The following PLEKHA5 variants were observed in gnomAD, a reference collection of about 807,000 sequenced individuals.
The protein encoded by PLEKHA5 is pleckstrin homology domain-containing family A member 5.
In PLEKHA5, 55 loss-of-function variants were observed where a neutral mutation model predicts 181.9. That is an observed-to-expected ratio of 0.30 (90% CI 0.24 to 0.38). The LOEUF (loss-of-function observed/expected upper bound fraction) is 0.38. Ranked by LOEUF, PLEKHA5 falls within the 10% of genes least tolerant of loss-of-function variation. The probability of loss-of-function intolerance (pLI) is 1.00; values close to 1 mark genes in which losing one functional copy is unlikely to be tolerated. For missense variants in PLEKHA5, 1,432 were observed against 1,549.5 expected (o/e 0.92, Z 1.27); for synonymous variants, 535 against 529.4 (o/e 1.01, Z -0.15).
At chr12:19,267,709 A>G (rs1359371782) in intron 8 of PLEKHA5, among the ~76,000 whole-genome samples, 1 of 151,268 alleles carries the variant, frequency 6.6e-6, no homozygotes, top group Admixed American at 6.6e-5. Flanking sequence ...CATGCCTGTA[A>G]TCCCAGCACT....
At chr12:19,345,132 G>T (rs1394276729) in intron 22 of PLEKHA5, among the ~76,000 whole-genome samples, 1 of 151,428 alleles carries the variant, frequency 6.6e-6, no homozygotes, top group Non-Finnish European at 1.5e-5. Context: ...GGGCGCAGTG[G>T]CTCATGCCTG....
chr12:19,305,861 CAA>C (rs376068601), intron 15 of PLEKHA5, among the ~76,000 whole-genome samples: 8 of 37,888 alleles, frequency 2.1e-4, no homozygotes, highest in Non-Finnish European at 4.1e-4. Flanking sequence ...AACTCCATCT[CAA>C]AAAAAAAAAA....
At chr12:19,219,391 T>A (rs1208432498) in intron 3 of PLEKHA5, among the ~76,000 whole-genome samples, 1 of 152,144 alleles carries the variant, frequency 6.6e-6, no homozygotes, top group East Asian at 1.9e-4. Context: ...CTTGTAGGAC[T>A]GTATTTATTT....
chr12:19,275,580 C>T (rs1008656235), intron 11 of PLEKHA5, among the ~76,000 whole-genome samples: 1 of 151,900 alleles, frequency 6.6e-6, no homozygotes, highest in Non-Finnish European at 1.5e-5. Flanking sequence ...CCTGGGCAAC[C>T]TAGCAAGACC....
intron 11 of PLEKHA5, among the ~76,000 whole-genome samples, chr12:19,281,658 C>T (rs543510714): frequency 1.3e-5 from 2 of 151,462 alleles, no homozygotes; most frequent in South Asian, 2.1e-4. Flanking sequence ...TTCTGGCTCA[C>T]TTCTCCCCTA....
intron 15 of PLEKHA5, chr12:19,306,483 TC>T: frequency 4.4e-6 from 3 of 684,466 alleles, no homozygotes; most frequent in Non-Finnish European, 8.3e-6. Context: ...CGGTTCCTCT[TC>T]CCCCTCCTTG....
chr12:19,228,102 C>T (rs771541841), intron 3 of PLEKHA5, among the ~76,000 whole-genome samples: 1 of 152,160 alleles, frequency 6.6e-6, no homozygotes, highest in African/African-American at 2.4e-5. Flanking sequence ...GGAAAATCAG[C>T]TTTCTCAAGG....
intron 21 of PLEKHA5, among the ~76,000 whole-genome samples, chr12:19,340,271 C>G (rs1565636747): frequency 6.6e-6 from 1 of 152,000 alleles, no homozygotes; most frequent in Non-Finnish European, 1.5e-5. Flanking sequence ...CATAGGAAAA[C>G]TCAAATTACT....
At chr12:19,156,831 G>A (rs1010663672) in intron 3 of PLEKHA5, among the ~76,000 whole-genome samples, 22 of 149,718 alleles carry the variant, frequency 1.5e-4, no homozygotes, top group Middle Eastern at 3.5e-3. Context: ...GGTCACTTGA[G>A]ATCAGGAGTT....
intron 15 of PLEKHA5, among the ~76,000 whole-genome samples, chr12:19,311,027 A>G (rs1053593560): frequency 6.6e-6 from 1 of 152,148 alleles, no homozygotes; most frequent in Non-Finnish European, 1.5e-5. Context: ...GTTCCTTAAA[A>G]TAAGACAACA....
intron 3 of PLEKHA5, chr12:19,176,206 T>G: frequency 9.4e-6 from 1 of 105,936 alleles, no homozygotes; most frequent in South Asian, 3.5e-4. Context: ...CCCCCCCACC[T>G]TCCTCCCTCC....
At chr12:19,295,974 G>A (rs952111876) in intron 15 of PLEKHA5, among the ~76,000 whole-genome samples, 2 of 152,224 alleles carry the variant, frequency 1.3e-5, no homozygotes, top group African/African-American at 2.4e-5. Flanking sequence ...GCTCATGCCT[G>A]TAATCCCAAA....
Position 19,274,982 on chromosome 12 carries a change from G to A in PLEKHA5, c.1312G>A (p.Gly438Arg). 1 of 1,596,282 alleles carries A rather than the reference G, an allele frequency of 6.3e-7. No individual in the cohort carries two copies. ...GAGGGGTCATGAAGAAGAAACCAGG[G>A]GGTAAGTGTCTGTCTTGTCATTATG... ...KGRGHEEETRGVISYQTLPRN... is the reference protein window; with the variant it reads ...KGRGHEEETRRVISYQTLPRN... Residue 438 changes from glycine to arginine, a missense_variant and splice_region_variant, in exon 11 of 32, where the codon GGA becomes AGA. By Grantham distance (125) the Gly-to-Arg change is moderately radical. Transcript: ENST00000429027.
intron 5 of PLEKHA5, among the ~76,000 whole-genome samples, chr12:19,256,740 T>TAA (rs1443765729): frequency 6.6e-6 from 1 of 152,218 alleles, no homozygotes; most frequent in Non-Finnish European, 1.5e-5. Flanking sequence ...TGTTACTTTA[T>TAA]AGCTTCATTG....
chr12:19,173,180 C>T (rs1281769773), intron 3 of PLEKHA5, among the ~76,000 whole-genome samples: 3 of 149,168 alleles, frequency 2.0e-5, no homozygotes, highest in South Asian at 2.2e-4. Flanking sequence ...CCCGCCACCG[C>T]GCCCGGCTAA....
chr12:19,357,892 A>G (rs1014375783), intron 26 of PLEKHA5, among the ~76,000 whole-genome samples: 5 of 151,958 alleles, frequency 3.3e-5, no homozygotes, highest in Admixed American at 6.6e-5. Context: ...CACCCACCTC[A>G]GGGTCCCAAA....
At chr12:19,342,349 T>C (rs190392216) in intron 21 of PLEKHA5, among the ~76,000 whole-genome samples, 1 of 152,230 alleles carries the variant, frequency 6.6e-6, no homozygotes, top group East Asian at 1.9e-4. Context: ...GAGGGCATGA[T>C]GTGGAATTTT....
At chr12:19,170,149 C>A (rs977885104) in intron 3 of PLEKHA5, among the ~76,000 whole-genome samples, 1 of 152,164 alleles carries the variant, frequency 6.6e-6, no homozygotes, top group African/African-American at 2.4e-5. Context: ...CAGGTAGAAA[C>A]CCCAATCCCA....
chr12:19,151,352 A>C (rs16915128), intron 3 of PLEKHA5: 17,124 of 152,232 alleles, frequency 0.11, 1,158 homozygotes, highest in East Asian at 0.3. Flanking sequence ...TGTAGGGTTA[A>C]TGCCAGGTCA....
Sources: allele counts gnomAD v4.1 joint callset (sites outside exome capture counted in the v4.1 genomes callset), GRCh38; gene constraint gnomAD v4.1.1; transcripts MANE v1.5; gene names NCBI Gene and HGNC (gene_info 2026-07-23, HGNC 2026-07-21).